ACP1: variants seen among roughly 807,000 people sequenced by gnomAD.
ACP1 encodes low molecular weight phosphotyrosine protein phosphatase.
Under a neutral mutation model 23.4 loss-of-function variants are expected in ACP1, and 23 were observed. That is an observed-to-expected ratio of 0.98 (90% confidence interval 0.71 to 1.39). The LOEUF (loss-of-function observed/expected upper bound fraction) is 1.39, where lower values mean the gene tolerates loss of function less well. Ranked by LOEUF, ACP1 falls within the 40% of genes most tolerant of loss-of-function variation. ACP1 has a pLI of 0.00. For missense variants in ACP1, 180 were observed against 197.7 expected (o/e 0.91, Z 0.54); for synonymous variants, 72 against 67.2 (o/e 1.07, Z -0.35).
chr2:265,030 A>G (rs1169489419), intron 1 of ACP1, 23 bp downstream of exon 1: 3 of 1,611,546 alleles, frequency 1.9e-6, no homozygotes, highest in South Asian at 1.1e-5. Context: ...CGACTTACTC[A>G]TGTTCTGACG....
Position 277,718 on chromosome 2 carries a change from C to T in ACP1, c.*414C>T, listed in dbSNP as rs2103077507. The T allele has an allele frequency of 4.5e-6, 1 of 223,756 alleles. No individual in the cohort carries two copies. The highest frequency in any genetic ancestry group is 9.0e-6 in the Non-Finnish European group (1 of 110,534). The allele number at this position is 223,756 out of a possible 1,614,324, so 13.9% of individuals were successfully genotyped here. A position where few individuals can be genotyped will look rare whatever the true frequency, so the allele number is the denominator to read the frequency against. On this transcript the variant is annotated 3_prime_UTR_variant, in exon 6 of 6. Transcript: ENST00000272065. ...GCCTGGAGGGCAGGTGCCCTCTGCTCCCCAGTGCTACCTCTCTCTTCCCTA... is the reference window on the plus strand; with the variant it reads ...GCCTGGAGGGCAGGTGCCCTCTGCTTCCCAGTGCTACCTCTCTCTTCCCTA...
chr2:273,325 T>C (rs1055247905), intron 3 of ACP1, among the ~76,000 whole-genome samples: 3 of 152,250 alleles, frequency 2.0e-5, no homozygotes, highest in African/African-American at 7.2e-5. Context: ...ACATAGGATT[T>C]AAATAATTTT....
chr2:275,800 T>A (rs1670153596), intron 4 of ACP1, among the ~76,000 whole-genome samples: 2 of 152,186 alleles, frequency 1.3e-5, no homozygotes, highest in African/African-American at 2.4e-5. Context: ...GGATCATAAT[T>A]TAATGTCACT....
chr2:266,614 C>A (rs1026694473), intron 1 of ACP1, among the ~76,000 whole-genome samples: 1 of 152,164 alleles, frequency 6.6e-6, no homozygotes, highest in Non-Finnish European at 1.5e-5. Flanking sequence ...TGTGTCTGCT[C>A]GTTTCTTACA....
At chr2:277,145 T>C in intron 5 of ACP1, 60 bp downstream of exon 5, 1 of 1,578,450 alleles carries the variant, frequency 6.3e-7, no homozygotes. Context: ...TATCCTGCCA[T>C]ATTAAATAAC....
chr2:269,409 G>C, intron 1 of ACP1: 1 of 457,436 alleles, frequency 2.2e-6, no homozygotes, highest in Non-Finnish European at 4.5e-6. Context: ...GCAGTGAGTT[G>C]GTTTTCTGAA....
Position 272,104 on chromosome 2 carries a change from G to T in ACP1, c.185G>T (p.Ser62Ile), listed in dbSNP as rs578130960. ...IGNPPDYRGQSCMKRHGIPMS... is the reference protein window; with the variant it reads ...IGNPPDYRGQICMKRHGIPMS... ...AACCCCCCTGACTACCGAGGGCAGA[G>T]CTGCATGAAGAGGCACGGCATTCCC... The change falls in exon 3 of 6, where the codon AGC (serine) becomes ATC (isoleucine). Residue 62 changes from serine to isoleucine, a missense_variant. By Grantham distance (142) the Ser-to-Ile change is moderately radical (BLOSUM62 -2). Around this residue, in one of 3 missense-constraint regions of ACP1, gnomAD observed 132 missense variants for 124.1 expected, o/e 1.06. Coordinates refer to ENST00000272065, the MANE Select transcript of ACP1 (RefSeq NM_004300.4). 1 of 1,614,180 alleles carries T rather than the reference G, an allele frequency of 6.2e-7. No individual in the cohort carries two copies. The highest frequency in any genetic ancestry group is 2.2e-5 in the East Asian group (1 of 44,874).
At chr2:268,705 C>G (rs868536185) in intron 1 of ACP1, among the ~76,000 whole-genome samples, 14 of 152,196 alleles carry the variant, frequency 9.2e-5, no homozygotes, top group African/African-American at 3.1e-4. Flanking sequence ...TTGGAAAAGA[C>G]AAACTTGAGA....
intron 1 of ACP1, among the ~76,000 whole-genome samples, chr2:268,049 A>G (rs1341461936): frequency 6.6e-6 from 1 of 152,118 alleles, no homozygotes; most frequent in Non-Finnish European, 1.5e-5. Context: ...CGATTTTCAG[A>G]CCCCTGTTTT....
At chr2:269,451 A>G in intron 1 of ACP1, 1 of 426,366 alleles carries the variant, frequency 2.3e-6, no homozygotes, top group South Asian at 1.8e-5. Flanking sequence ...ACAACACTAG[A>G]AGATCCTCAT....
intron 4 of ACP1, among the ~76,000 whole-genome samples, chr2:276,656 GT>G (rs1323648889): frequency 6.6e-6 from 1 of 152,158 alleles, no homozygotes; most frequent in African/African-American, 2.4e-5. Context: ...TTCAGATGGT[GT>G]TTTGGGTTCC....
chr2:273,662 G>T (rs1670102507), intron 3 of ACP1, among the ~76,000 whole-genome samples: 1 of 152,162 alleles, frequency 6.6e-6, no homozygotes. Context: ...TTTGCCACAA[G>T]CTGTTTCATT....
intron 4 of ACP1, chr2:275,453 A>G (rs947890525): frequency 3.6e-6 from 1 of 276,648 alleles, no homozygotes; most frequent in Non-Finnish European, 6.8e-6. Context: ...TTGGAAAACT[A>G]GCTTGGCTGT....
Position 277,766 on chromosome 2 carries a change from A to T in ACP1, c.*462A>T. ...CTAGGGCCTTTTGTGGATTGACAGT[A>T]GTCCCCTCCGTAGGAGCTCACAGTC... On this transcript the variant is annotated 3_prime_UTR_variant, in exon 6 of 6. Transcript: ENST00000272065. The T allele has an allele frequency of 5.4e-6, 1 of 186,214 alleles. No homozygotes were observed. Among genetic ancestry groups the T allele is most frequent in the Non-Finnish European group, 1.1e-5 (1 of 87,360 alleles). The allele number at this position is 186,214 out of a possible 1,614,324, so 11.5% of individuals were successfully genotyped here.
At chr2:273,245 C>T (rs1466539360) in intron 3 of ACP1, 1 of 152,230 alleles carries the variant, frequency 6.6e-6, no homozygotes, top group Admixed American at 6.5e-5. Flanking sequence ...AAAGATCCTG[C>T]GTCTCACTAT....
At chr2:265,069 C>T in intron 1 of ACP1, 62 bp downstream of exon 1, 3 of 1,595,000 alleles carry the variant, frequency 1.9e-6, no homozygotes, top group South Asian at 2.2e-5. Flanking sequence ...CGGGCTTGTG[C>T]GCTGTAGGTT....
intron 4 of ACP1, 176 bp downstream of exon 4, chr2:275,377 CTT>C (rs1670143346): frequency 2.6e-6 from 1 of 390,226 alleles, no homozygotes; most frequent in Non-Finnish European, 4.6e-6. Flanking sequence ...AGAATTGTCT[CTT>C]AGGTATTTAC....
rs1285176249 is a variant in ACP1 at position 277,695 on chromosome 2, C to T, written c.*391C>T. The T allele has an allele frequency of 4.2e-6, 1 of 239,610 alleles. No homozygotes were observed. The highest frequency in any genetic ancestry group is 5.0e-5 in the Admixed American group (1 of 19,884). 14.8% of individuals were successfully genotyped at this position (239,610 alleles called of 1,614,324 possible). ...TCTTCAGTAGGTTTGTGTGGATGGCCTGGAGGGCAGGTGCCCTCTGCTCCC... is the reference window on the plus strand; with the variant it reads ...TCTTCAGTAGGTTTGTGTGGATGGCTTGGAGGGCAGGTGCCCTCTGCTCCC... On this transcript the variant is annotated 3_prime_UTR_variant, in exon 6 of 6. Coordinates refer to ENST00000272065, the MANE Select transcript of ACP1 (RefSeq NM_004300.4).
chr2:276,897 A>T, intron 4 of ACP1, 83 bp from the exon 5 acceptor site: 1 of 804,504 alleles, frequency 1.2e-6, no homozygotes, highest in South Asian at 1.7e-5. Flanking sequence ...TTTGATATGG[A>T]TGTTTCAGAA....
Sources: gnomAD v4.1 joint callset for allele counts (sites outside exome capture counted in the v4.1 genomes callset) on GRCh38, gnomAD v4.1.1 for gene constraint, gnomAD v4.1.1 regional missense constraint, MANE v1.5 for transcripts, NCBI Gene and HGNC (gene_info 2026-07-23, HGNC 2026-07-21) for gene names.